NEK1: variants seen among roughly 807,000 people sequenced by gnomAD.
NEK1 encodes serine/threonine-protein kinase Nek1.
Under a neutral mutation model 182.1 loss-of-function variants are expected in NEK1, and 137 were observed. The observed-to-expected ratio is 0.75, with a 90% CI of 0.65 to 0.87. The LOEUF (loss-of-function observed/expected upper bound fraction) is 0.87, where lower values mean the gene tolerates loss of function less well. Among genes scored for constraint, NEK1 ranks in the 40% least tolerant of loss-of-function variants. The pLI, the probability that NEK1 is intolerant of heterozygous loss-of-function variation, is 0.00. For synonymous variants in NEK1, 513 were observed against 492.2 expected (o/e 1.04, Z -0.56); for missense variants, 1,391 against 1,494.4 (o/e 0.93, Z 1.14).
rs1463515937 is a variant in NEK1, at chr4:169,476,040, A to G, written c.2434+1084T>C. ...AATATTAGAAGAAATGATGGCTGAAAGTGTTCCAAATGTGACAACCATAAA... is the reference window on the plus strand; with the variant it reads ...AATATTAGAAGAAATGATGGCTGAAGGTGTTCCAAATGTGACAACCATAAA... On this transcript the variant is annotated intron_variant, in intron 26 of 35. Transcript: ENST00000507142. Among the ~76,000 whole-genome samples the G allele has an allele frequency of 2.0e-5, 3 of 152,182 alleles. No individual in the cohort carries two copies. The East Asian group carries it at 5.8e-4, about 29-fold the overall frequency.
At position 169,537,829 on chromosome 4, in the gene NEK1, C is replaced by G; in HGVS notation, c.1645G>C (p.Ala549Pro). The change falls in exon 19 of 36, where the codon GCT becomes CCT. Residue 549 changes from alanine (A) to proline (P), a missense_variant. Transcript: ENST00000507142. ...CATACCATATGTCCTTCGGCTCGAG[C>G]TTTATTCTGCATAGCTTCCCGTTTT... is the stretch of plus-strand genomic sequence containing the variant. ...QRKREAMQNK[A>P]RAEGHMGILQ... 1 of 1,612,898 alleles carries G rather than the reference C, an allele frequency of 6.2e-7. No individual in the cohort carries two copies.
At chr4:169,495,544 T>C (rs1316522357) in intron 23 of NEK1, among the ~76,000 whole-genome samples, 1 of 152,144 alleles carries the variant, frequency 6.6e-6, no homozygotes, top group Non-Finnish European at 1.5e-5. Context: ...GCCCGGCCCA[T>C]TTAAGTCTTT....
chr4:169,565,776 T>C (rs1009214711), intron 12 of NEK1, among the ~76,000 whole-genome samples: 1 of 152,132 alleles, frequency 6.6e-6, no homozygotes, highest in African/African-American at 2.4e-5. Flanking sequence ...AGAAAGTAGA[T>C]TAGAGGCTGC....
intron 19 of NEK1, among the ~76,000 whole-genome samples, chr4:169,521,971 G>A (rs1018269070): frequency 2.0e-5 from 3 of 151,920 alleles, no homozygotes; most frequent in African/African-American, 4.8e-5. Context: ...TTCATTTTTC[G>A]GTCACATACT....
At chr4:169,488,671 T>A (rs564576832) in intron 23 of NEK1, among the ~76,000 whole-genome samples, 2 of 152,296 alleles carry the variant, frequency 1.3e-5, no homozygotes, top group African/African-American at 2.4e-5. Context: ...CCAACATACA[T>A]ACTGCCAAAC....
chr4:169,446,114 A>C (rs1740510525), intron 27 of NEK1, among the ~76,000 whole-genome samples: 1 of 152,006 alleles, frequency 6.6e-6, no homozygotes, highest in Non-Finnish European at 1.5e-5. Context: ...ACAGTTAAAT[A>C]GAATAAAATT....
At chr4:169,545,508 CAT>C (rs1209515441) in intron 18 of NEK1, among the ~76,000 whole-genome samples, 28 of 149,988 alleles carry the variant, frequency 1.9e-4, no homozygotes, top group Admixed American at 6.0e-4. Flanking sequence ...CCGCAATAAA[CAT>C]ATGTGTGCAT....
intron 27 of NEK1, among the ~76,000 whole-genome samples, chr4:169,455,617 A>G (rs936832922): frequency 6.6e-6 from 1 of 152,186 alleles, no homozygotes; most frequent in African/African-American, 2.4e-5. Context: ...ATATATGTAC[A>G]GGAAATATTA....
chr4:169,540,147 A>G (rs955162691), intron 18 of NEK1, among the ~76,000 whole-genome samples: 3 of 152,080 alleles, frequency 2.0e-5, no homozygotes, highest in Non-Finnish European at 2.9e-5. Flanking sequence ...CACAAACTTA[A>G]TAACTGTAGT....
intron 12 of NEK1, among the ~76,000 whole-genome samples, chr4:169,575,104 A>G (rs1765490019): frequency 6.6e-6 from 1 of 152,206 alleles, no homozygotes; most frequent in Admixed American, 6.5e-5. Context: ...AGGAGAGTCT[A>G]GGCAGTGAGG....
chr4:169,605,287 T>C (rs543891031), intron 2 of NEK1, among the ~76,000 whole-genome samples: 1 of 152,266 alleles, frequency 6.6e-6, no homozygotes, highest in East Asian at 1.9e-4. Context: ...TTACTGAACA[T>C]TGTGGTTCTA....
chr4:169,420,907 C>A (rs909744683), intron 31 of NEK1, among the ~76,000 whole-genome samples: 1 of 152,088 alleles, frequency 6.6e-6, no homozygotes, highest in Non-Finnish European at 1.5e-5. Context: ...ATTGTCTAAT[C>A]AATTAAAAGA....
chr4:169,523,037 T>C (rs1454116831), intron 19 of NEK1, among the ~76,000 whole-genome samples: 2 of 152,186 alleles, frequency 1.3e-5, no homozygotes, highest in Non-Finnish European at 2.9e-5. Flanking sequence ...CAATTATAAT[T>C]GTATGCTAAA....
chr4:169,602,563 G>A lies in NEK1; in HGVS notation c.68C>T (p.Ser23Phe). 1 of 1,607,944 alleles carries A rather than the reference G, an allele frequency of 6.2e-7. No individual in the cohort carries two copies. The highest frequency in any genetic ancestry group is 8.5e-7 in the Non-Finnish European group (1 of 1,175,242). The change falls in exon 3 of 36, where the codon TCT becomes TTT. Residue 23 changes from serine to phenylalanine, a missense_variant. Transcript: ENST00000507142. The part of the protein sequence containing the change: ...GSFGKAILVK[S>F]TEDGRQYVIK... The stretch of plus-strand genomic sequence containing the variant: ...AACATACTGTCTGCCATCTTCTGTA[G>A]ATTTAACAAGAATGGCTTTTCCAAA...
chr4:169,489,574 T>TG (rs1265326274), intron 23 of NEK1, among the ~76,000 whole-genome samples: 1 of 152,152 alleles, frequency 6.6e-6, no homozygotes, highest in African/African-American at 2.4e-5. Flanking sequence ...CCACCATTCA[T>TG]GGGCCCTTGT....
intron 23 of NEK1, among the ~76,000 whole-genome samples, chr4:169,491,721 T>G (rs1303778884): frequency 6.6e-6 from 1 of 152,170 alleles, no homozygotes; most frequent in Admixed American, 6.5e-5. Flanking sequence ...TTCAGAATAT[T>G]CCATTACTGC....
intron 26 of NEK1, among the ~76,000 whole-genome samples, chr4:169,465,696 G>A (rs1744797933): frequency 6.6e-6 from 1 of 152,056 alleles, no homozygotes; most frequent in African/African-American, 2.4e-5. Context: ...CAAGGCACAA[G>A]GCAGATTATT....
chr4:169,515,153 G>A (rs1754940978), intron 19 of NEK1, among the ~76,000 whole-genome samples: 1 of 152,048 alleles, frequency 6.6e-6, no homozygotes, highest in Non-Finnish European at 1.5e-5. Context: ...TCCTGCTACT[G>A]ATTTCTAGTT....
At chr4:169,549,126 G>A (rs1761015393) in intron 18 of NEK1, among the ~76,000 whole-genome samples, 1 of 152,234 alleles carries the variant, frequency 6.6e-6, no homozygotes, top group South Asian at 2.1e-4. Flanking sequence ...CTCCTGGTCT[G>A]TGGGTTGTGA....
Sources: allele counts gnomAD v4.1 joint callset (sites outside exome capture counted in the v4.1 genomes callset), GRCh38; gene constraint gnomAD v4.1.1; transcripts MANE v1.5; gene names NCBI Gene and HGNC (gene_info 2026-07-23, HGNC 2026-07-21).